FAM20C: variants seen among roughly 807,000 people sequenced by gnomAD.
FAM20C encodes the protein extracellular serine/threonine protein kinase FAM20C.
In FAM20C, 40 loss-of-function variants were observed where a neutral mutation model predicts 51.5. The observed-to-expected ratio is 0.78, with a 90% confidence interval of 0.60 to 1.01. FAM20C has a LOEUF of 1.01. FAM20C is among the 50% of genes least tolerant of loss of function. FAM20C has a pLI of 0.00. For missense variants in FAM20C, 861 were observed against 844.7 expected (o/e 1.02, Z -0.24); for synonymous variants, 406 against 380.6 (o/e 1.07, Z -0.78).
At chr7:196,446 C>T (rs904563601) in intron 2 of FAM20C, among the ~76,000 whole-genome samples, 1 of 152,230 alleles carries the variant, frequency 6.6e-6, no homozygotes, top group African/African-American at 2.4e-5. Context: ...TCCCATTTGT[C>T]ACCAGTGCTT....
At chr7:254,283 C>A (rs1410732893) in intron 5 of FAM20C, among the ~76,000 whole-genome samples, 4 of 152,212 alleles carry the variant, frequency 2.6e-5, no homozygotes, top group African/African-American at 9.7e-5. Context: ...CCTTCTGATC[C>A]CACGGGGAGC....
intron 5 of FAM20C, among the ~76,000 whole-genome samples, chr7:251,462 G>C (rs1418873822): frequency 6.6e-6 from 1 of 152,056 alleles, no homozygotes; most frequent in Non-Finnish European, 1.5e-5. Flanking sequence ...AGGCTGCAGT[G>C]AGCTATGATC....
chr7:234,485 C>T (rs1787792455), intron 3 of FAM20C, among the ~76,000 whole-genome samples: 1 of 152,240 alleles, frequency 6.6e-6, no homozygotes, highest in Non-Finnish European at 1.5e-5. Flanking sequence ...CGTGCCAGGA[C>T]CGGGACTCCT....
chr7:259,076 T>A (rs922823717), intron 9 of FAM20C, among the ~76,000 whole-genome samples: 2 of 152,226 alleles, frequency 1.3e-5, no homozygotes, highest in African/African-American at 4.8e-5. Context: ...TCAGACCCCC[T>A]TTCCCCCGTT....
At chr7:228,078 G>A (rs562343459) in intron 3 of FAM20C, 25 of 233,802 alleles carry the variant, frequency 1.1e-4, no homozygotes, top group African/African-American at 2.4e-4. Flanking sequence ...CCCTTTAGCC[G>A]CACCACAGCG....
intron 8 of FAM20C, among the ~76,000 whole-genome samples, chr7:257,702 C>T (rs986941623): frequency 2.6e-5 from 4 of 152,312 alleles, no homozygotes; most frequent in African/African-American, 9.6e-5. Context: ...GAGGCCAGGA[C>T]CCCACATACA....
At position 236,487 on chromosome 7, in the gene FAM20C, T is replaced by A. The variant is rs970955028; in HGVS notation, c.864-9928T>A. On this transcript the variant is annotated intron_variant, in intron 3 of 9. Transcript: ENST00000313766. ...AGACCCGATCTTCTCAGGCGTTTAC[T>A]GGCTGCAAAAATTTCCCCCCTTCCC... is the stretch of plus-strand genomic sequence containing the variant. Among the ~76,000 whole-genome samples the A allele has an allele frequency of 5.6e-3, 851 of 152,326 alleles. 7 individuals carry two copies. The highest frequency in any genetic ancestry group is 0.019 in the African/African-American group (778 of 41,580).
chr7:235,275 C>T (rs1248626646), intron 3 of FAM20C, among the ~76,000 whole-genome samples: 2 of 152,146 alleles, frequency 1.3e-5, no homozygotes, highest in Non-Finnish European at 2.9e-5. Context: ...CTGGTGTCTT[C>T]TGCCTCCACG....
At chr7:223,565 C>T (rs1787333194) in intron 3 of FAM20C, among the ~76,000 whole-genome samples, 1 of 152,184 alleles carries the variant, frequency 6.6e-6, no homozygotes, top group Non-Finnish European at 1.5e-5. Context: ...GCGGACATGT[C>T]CCTGCAAGTG....
intron 2 of FAM20C, among the ~76,000 whole-genome samples, chr7:197,969 G>C (rs551305084): frequency 6.6e-6 from 1 of 152,230 alleles, no homozygotes; most frequent in Admixed American, 6.5e-5. Context: ...CATTGCAGGG[G>C]TGTGGACAGA....
intron 3 of FAM20C, among the ~76,000 whole-genome samples, chr7:223,860 G>T (rs1787346724): frequency 6.6e-6 from 1 of 152,304 alleles, no homozygotes; most frequent in Admixed American, 6.5e-5. Context: ...ACTCTATGGG[G>T]TCCCCTGCCC....
At chr7:247,718 G>A (rs745648592) in intron 4 of FAM20C, among the ~76,000 whole-genome samples, 6 of 152,160 alleles carry the variant, frequency 3.9e-5, no homozygotes, top group East Asian at 3.9e-4. Flanking sequence ...AGCCCCCCTC[G>A]GGTCCACCTG....
intron 3 of FAM20C, among the ~76,000 whole-genome samples, chr7:245,159 G>A (rs1000795998): frequency 1.3e-5 from 2 of 152,246 alleles, no homozygotes; most frequent in Non-Finnish European, 2.9e-5. Flanking sequence ...GGACCCGGCC[G>A]GGGAAGCCGA....
At chr7:211,790 C>T (rs62430287) in intron 3 of FAM20C, among the ~76,000 whole-genome samples, 1 of 152,208 alleles carries the variant, frequency 6.6e-6, no homozygotes, top group Non-Finnish European at 1.5e-5. Flanking sequence ...AAGGATACGT[C>T]CAAGGCCGTG....
chr7:212,737 C>T (rs939231138), intron 3 of FAM20C, among the ~76,000 whole-genome samples: 3 of 152,158 alleles, frequency 2.0e-5, no homozygotes, highest in Admixed American at 6.5e-5. Context: ...TCAACCCAAG[C>T]GCTCCTGGGT....
At chr7:224,437 G>C (rs1174448172) in intron 3 of FAM20C, among the ~76,000 whole-genome samples, 1 of 15,894 alleles carries the variant, frequency 6.3e-5, no homozygotes, top group Non-Finnish European at 1.2e-4. Context: ...TCACGGGGTC[G>C]CACGGCGGCT....
intron 3 of FAM20C, among the ~76,000 whole-genome samples, chr7:244,785 C>T (rs923979202): frequency 1.3e-5 from 2 of 152,242 alleles, no homozygotes; most frequent in Non-Finnish European, 2.9e-5. Context: ...CTACCCAGGG[C>T]CCTGTCAAGG....
chr7:252,733 T>C (rs1788448924), intron 5 of FAM20C, among the ~76,000 whole-genome samples: 1 of 152,200 alleles, frequency 6.6e-6, no homozygotes, highest in African/African-American at 2.4e-5. Flanking sequence ...GGCAGCCCCC[T>C]GCCCCACGTA....
At chr7:211,884 G>A (rs1357793432) in intron 3 of FAM20C, among the ~76,000 whole-genome samples, 1 of 152,228 alleles carries the variant, frequency 6.6e-6, no homozygotes, top group Non-Finnish European at 1.5e-5. Context: ...CAGGCGGGCG[G>A]GCGTGTGCGA....
Sources: allele counts gnomAD v4.1 joint callset (sites outside exome capture counted in the v4.1 genomes callset), GRCh38; gene constraint gnomAD v4.1.1; transcripts MANE v1.5; gene names NCBI Gene and HGNC (gene_info 2026-07-23, HGNC 2026-07-21).